Variants in PPP6R3 observed in about 807,000 individuals in gnomAD.
PPP6R3 encodes the protein protein phosphatase 6 regulatory subunit 3, also known as serine/threonine-protein phosphatase 6 regulatory subunit 3.
Under a neutral mutation model 110.7 loss-of-function variants are expected in PPP6R3, and 38 were observed. That is an observed-to-expected ratio of 0.34 (90% CI 0.26 to 0.45). PPP6R3 has a LOEUF of 0.45. Among genes scored for constraint, PPP6R3 ranks in the 20% least tolerant of loss-of-function variants. PPP6R3 has a pLI of 1.00. For synonymous variants in PPP6R3, 369 were observed against 373.5 expected (o/e 0.99, Z 0.14); for missense variants, 870 against 1,062.4 (o/e 0.82, Z 2.52).
At chr11:68,569,677 C>A in intron 10 of PPP6R3, 71 bp from the exon 11 acceptor site, 1 of 1,285,612 alleles carries the variant, frequency 7.8e-7, no homozygotes, top group Non-Finnish European at 1.1e-6. Context: ...AATCACTGTT[C>A]TGTAAATGTA....
At chr11:68,554,073 C>G in intron 6 of PPP6R3, 72 bp from the exon 7 acceptor site, 2 of 1,159,062 alleles carry the variant, frequency 1.7e-6, no homozygotes, top group Non-Finnish European at 2.5e-6. Context: ...AAATAACTTT[C>G]CCTTTCATTT....
intron 1 of PPP6R3, among the ~76,000 whole-genome samples, chr11:68,478,243 C>T (rs1293162581): frequency 6.6e-6 from 1 of 151,482 alleles, no homozygotes; most frequent in African/African-American, 2.4e-5. Flanking sequence ...CTGCCGCGCC[C>T]GGCCCAGGCT....
intron 3 of PPP6R3, among the ~76,000 whole-genome samples, chr11:68,541,524 G>T (rs748104448): frequency 3.9e-5 from 6 of 151,962 alleles, no homozygotes; most frequent in Non-Finnish European, 8.8e-5. Flanking sequence ...TGGCTTTATG[G>T]CAGTGAAATA....
At chr11:68,609,678 C>T (rs1177567580) in intron 22 of PPP6R3, 1 of 1,570,008 alleles carries the variant, frequency 6.4e-7, no homozygotes, top group Admixed American at 1.9e-5. Flanking sequence ...AGCCACATTA[C>T]ATTGTCCCTG....
intron 20 of PPP6R3, 82 bp from the exon 21 acceptor site, chr11:68,601,781 C>A: frequency 8.6e-7 from 1 of 1,160,514 alleles, no homozygotes; most frequent in Non-Finnish European, 1.2e-6. Flanking sequence ...CAAAAACTTA[C>A]TTGTAAAGGC....
intron 2 of PPP6R3, among the ~76,000 whole-genome samples, chr11:68,530,709 C>T (rs2099234016): frequency 6.6e-6 from 1 of 152,218 alleles, no homozygotes. Flanking sequence ...TGTTTGGGTT[C>T]TGTCTTGAAA....
intron 15 of PPP6R3, among the ~76,000 whole-genome samples, chr11:68,583,485 A>G (rs1486823278): frequency 6.6e-6 from 1 of 152,236 alleles, no homozygotes; most frequent in Non-Finnish European, 1.5e-5. Flanking sequence ...GCTGGTAAAA[A>G]TAATAGAAAT....
chr11:68,525,664 A>C (rs1340684897), intron 2 of PPP6R3, among the ~76,000 whole-genome samples: 1 of 152,108 alleles, frequency 6.6e-6, no homozygotes, highest in East Asian at 1.9e-4. Flanking sequence ...CTTTTGAAAG[A>C]TTTTTTTGTG....
At position 68,613,373 on chromosome 11, in the gene PPP6R3, G is replaced by T; in HGVS notation, c.*256G>T. 8.4e-7 allele frequency: 1 copy of T among 1,196,998 alleles called. No individual in the cohort carries two copies. The highest frequency in any genetic ancestry group is 3.1e-5 in the South Asian group (1 of 31,760). The allele number at this position is 1,196,998 out of a possible 1,614,324, so 74.1% of individuals were successfully genotyped here. ...TTGTTCTAAATAATGGGTAGCCTGT[G>T]AAATAAGATCTTGCCACCCATGTAA... On this transcript the variant is annotated 3_prime_UTR_variant, in exon 24 of 24. Transcript: ENST00000393800.
At chr11:68,603,530 A>G in intron 22 of PPP6R3, 38 bp downstream of exon 22, 2 of 1,612,484 alleles carry the variant, frequency 1.2e-6, no homozygotes, top group South Asian at 1.1e-5. Flanking sequence ...GCTTCAGGTT[A>G]TTGGGAGGAT....
chr11:68,598,163 T>G (rs1392643245), intron 19 of PPP6R3, among the ~76,000 whole-genome samples: 1 of 152,228 alleles, frequency 6.6e-6, no homozygotes, highest in Non-Finnish European at 1.5e-5. Flanking sequence ...AGGGATCTCA[T>G]ATAAATGGAA....
intron 22 of PPP6R3, among the ~76,000 whole-genome samples, chr11:68,608,486 G>GA (rs1280017295): frequency 6.6e-6 from 1 of 152,222 alleles, no homozygotes; most frequent in East Asian, 1.9e-4. Flanking sequence ...CAGTCATTCT[G>GA]GGTAGTAGCG....
chr11:68,587,582 T>G, intron 15 of PPP6R3: 1 of 357,432 alleles, frequency 2.8e-6, no homozygotes, highest in Non-Finnish European at 5.4e-6. Context: ...CAGAGGTGAC[T>G]GATACACCTT....
chr11:68,567,410 A>G (rs1287308601), intron 10 of PPP6R3, among the ~76,000 whole-genome samples: 2 of 152,202 alleles, frequency 1.3e-5, no homozygotes, highest in Admixed American at 1.3e-4. Flanking sequence ...GATGATTAAG[A>G]GACATCGGCT....
At chr11:68,503,392 G>T (rs983064856) in intron 1 of PPP6R3, among the ~76,000 whole-genome samples, 4 of 152,178 alleles carry the variant, frequency 2.6e-5, no homozygotes, top group Non-Finnish European at 5.9e-5. Context: ...CTGCACTCAG[G>T]GAAGTGTGCT....
intron 4 of PPP6R3, 130 bp from the exon 5 acceptor site, chr11:68,547,937 A>C: frequency 1.1e-6 from 1 of 906,076 alleles, no homozygotes; most frequent in Non-Finnish European, 1.6e-6. Flanking sequence ...CCTTGTTGCT[A>C]ATTCAGCATT....
chr11:68,571,612 A>G (rs1366147490), intron 12 of PPP6R3, among the ~76,000 whole-genome samples: 1 of 152,234 alleles, frequency 6.6e-6, no homozygotes, highest in East Asian at 1.9e-4. Flanking sequence ...GATACATGTA[A>G]GTAGCTTTGT....
chr11:68,511,534 G>A (rs1034134197), intron 1 of PPP6R3, among the ~76,000 whole-genome samples: 7 of 135,774 alleles, frequency 5.2e-5, no homozygotes, highest in Admixed American at 2.4e-4. Flanking sequence ...AGGCTGGAGT[G>A]CAGTGTCGCG....
At chr11:68,608,603 C>T (rs770230715) in intron 22 of PPP6R3, among the ~76,000 whole-genome samples, 24 of 152,122 alleles carry the variant, frequency 1.6e-4, no homozygotes, top group Non-Finnish European at 2.5e-4. Flanking sequence ...CAGTGATGGT[C>T]GTCACAGCAC....
Sources: allele counts gnomAD v4.1 joint callset (sites outside exome capture counted in the v4.1 genomes callset), GRCh38; gene constraint gnomAD v4.1.1; transcripts MANE v1.5; gene names NCBI Gene and HGNC (gene_info 2026-07-23, HGNC 2026-07-21).